HOXB3: variants seen among roughly 807,000 people sequenced by gnomAD.
HOXB3 encodes the protein homeobox B3, also known as homeobox protein Hox-B3.
HOXB3 carries 17 observed loss-of-function variants against 29.2 expected under a neutral mutation model. The observed-to-expected ratio is 0.58, with a 90% confidence interval of 0.40 to 0.87. HOXB3 has a LOEUF of 0.87. Among genes scored for constraint, HOXB3 ranks in the 40% least tolerant of loss-of-function variants. HOXB3 has a pLI of 0.00. For synonymous variants in HOXB3, 317 were observed against 285.9 expected, an observed-to-expected ratio of 1.11 and a Z score of -1.10; for missense variants, 637 against 616.3, an observed-to-expected ratio of 1.03 and a Z score of -0.35.
At chr17:48,582,044 C>G (rs1455449845) in intron 1 of HOXB3, 1 of 152,408 alleles carries the variant, frequency 6.6e-6, no homozygotes, top group African/African-American at 2.4e-5. Context: ...CTTTCCGTGG[C>G]TTCCCAGCCG....
In HOXB3 at chr17:48,554,343, C is replaced by CGAT. The variant is rs576857434; in HGVS notation, c.-159+1185_-159+1187dup. On this transcript the variant is annotated intron_variant, in intron 3 of 4. Coordinates refer to ENST00000498678, the MANE Select transcript of HOXB3 (RefSeq NM_001384749.1). The surrounding 1 kb of genome is among the most constrained non-coding windows in gnomAD (Gnocchi z 4.1). ...ATTGTTACAGCAATAATAATGATGACGATGATGATGATAGTAATAATAATA... is the reference window on the plus strand; with the variant it reads ...ATTGTTACAGCAATAATAATGATGACGATGATGATGATGATAGTAATAATAATA... 1.7e-3 allele frequency: 670 copies of CGAT among 386,504 alleles called. 8 individuals are homozygous for CGAT. Among genetic ancestry groups the CGAT allele is most frequent in the African/African-American group, 0.012 (604 of 49,116 alleles). The allele number at this position is 386,504 out of a possible 1,614,324, so 23.9% of individuals were successfully genotyped here.
At chr17:48,583,516 A>G (rs915959577) in intron 1 of HOXB3, among the ~76,000 whole-genome samples, 5 of 152,106 alleles carry the variant, frequency 3.3e-5, no homozygotes, top group Admixed American at 1.3e-4. Context: ...TTTCCTCCCA[A>G]TTCAAGTCTA....
chr17:48,571,817 G>A (rs1438348193), intron 2 of HOXB3, among the ~76,000 whole-genome samples: 2 of 152,104 alleles, frequency 1.3e-5, no homozygotes, highest in Non-Finnish European at 2.9e-5. Context: ...TGCCACCCAG[G>A]GACAAAGGAG....
chr17:48,576,509 T>TC, intron 1 of HOXB3: 1 of 399,490 alleles, frequency 2.5e-6, no homozygotes, highest in Non-Finnish European at 4.4e-6. Context: ...ATCTTGCTTC[T>TC]GGGGGGGCCT....
At chr17:48,556,287 G>C (rs1423039142) in intron 2 of HOXB3, 2 of 153,346 alleles carry the variant, frequency 1.3e-5, no homozygotes, top group Non-Finnish European at 2.9e-5. Flanking sequence ...GCTAATATGA[G>C]AAGTAGTATT....
At position 48,550,668 on chromosome 17, in the gene HOXB3, T is replaced by A. The variant is rs1414147639; in HGVS notation, c.962A>T (p.Tyr321Phe). 2.6e-6 allele frequency: 4 copies of A among 1,527,882 alleles called. No homozygotes were observed. 94.6% of individuals were successfully genotyped at this position (1,527,882 alleles called of 1,614,324 possible). A position where few individuals can be genotyped will look rare whatever the true frequency, so the allele number is the denominator to read the frequency against. The change falls in exon 5 of 5, where the codon TAC becomes TTC. Residue 321 changes from tyrosine to phenylalanine, a missense_variant. By Grantham distance (22) the Tyr-to-Phe change is conservative. Coordinates refer to ENST00000498678, the MANE Select transcript of HOXB3 (RefSeq NM_001384749.1). ...PLKGCGAPQK[Y>F]PPTPAPEYEP... is the part of the protein sequence containing the mutation. Reference sequence around the variant, plus strand: ...ATACTCGGGCGCCGGGGTCGGAGGGTACTTCTGCGGGGCGCCGCAGCCTTT... The same window carrying A: ...ATACTCGGGCGCCGGGGTCGGAGGGAACTTCTGCGGGGCGCCGCAGCCTTT...
rs2144867823 is a variant in HOXB3 at position 48,573,972 on chromosome 17, G to A, written c.-382C>T. ...TCCCCCTTGCAGATCCGGGAGAGAC[G>A]GCTAACACTTTTTTCCCCCAACAGC... On this transcript the variant is annotated 5_prime_UTR_variant, in exon 2 of 5. Coordinates refer to ENST00000498678, the MANE Select transcript of HOXB3 (RefSeq NM_001384749.1). 5.9e-6 allele frequency: 4 copies of A among 679,880 alleles called. No homozygotes were observed. The highest frequency in any genetic ancestry group is 2.7e-5 in the East Asian group (1 of 36,992). 42.1% of individuals were successfully genotyped at this position (679,880 alleles called of 1,614,324 possible). A position where few individuals can be genotyped will look rare whatever the true frequency, so the allele number is the denominator to read the frequency against.
intron 1 of HOXB3, among the ~76,000 whole-genome samples, chr17:48,588,877 G>A (rs2144924350): frequency 6.6e-6 from 1 of 152,324 alleles, no homozygotes; most frequent in South Asian, 2.1e-4. Flanking sequence ...TGAGAAAAAG[G>A]GAGTCTTATG....
chr17:48,580,233 G>T (rs965742144), intron 1 of HOXB3: 1 of 224,602 alleles, frequency 4.5e-6, no homozygotes, highest in South Asian at 5.0e-5. Context: ...AAGCACAAAA[G>T]GAGGAAGGGT....
chr17:48,551,044 T>C lies in HOXB3; in HGVS notation c.586A>G (p.Thr196Ala). The change falls in exon 5 of 5, where the codon ACG becomes GCG. Residue 196 changes from threonine to alanine, a missense_variant. By Grantham distance (58) the Thr-to-Ala change is moderately conservative. Coordinates refer to ENST00000498678, the MANE Select transcript of HOXB3 (RefSeq NM_001384749.1). The stretch of plus-strand genomic sequence containing the variant: ...TCCAGCTCCACCAGCTGCGCGCTCG[T>C]GTACGCCGTCCGCGCCCGCTTGGAC... ...AASKRARTAY[T>A]SAQLVELEKE... The C allele has an allele frequency of 6.2e-7, 1 of 1,606,920 alleles. No individual in the cohort carries two copies. Among genetic ancestry groups the C allele is most frequent in the Non-Finnish European group, 8.5e-7 (1 of 1,175,496 alleles).
At chr17:48,574,728 A>T (rs1217411599) in intron 1 of HOXB3, among the ~76,000 whole-genome samples, 1 of 152,132 alleles carries the variant, frequency 6.6e-6, no homozygotes, top group Non-Finnish European at 1.5e-5. Context: ...TCTGAGGGTC[A>T]CCTGCACCCC....
intron 1 of HOXB3, among the ~76,000 whole-genome samples, chr17:48,587,892 C>G (rs2070076790): frequency 6.6e-6 from 1 of 152,260 alleles, no homozygotes; most frequent in South Asian, 2.1e-4. Flanking sequence ...AAACTGCAGC[C>G]TTAATCTCCA....
At chr17:48,578,215 G>C (rs1025173838) in intron 1 of HOXB3, 6 of 1,613,782 alleles carry the variant, frequency 3.7e-6, no homozygotes, top group Non-Finnish European at 5.1e-6. Context: ...CGTAGTACCC[G>C]GGCGAGTGGT....
chr17:48,576,572 T>C, intron 1 of HOXB3: 1 of 607,224 alleles, frequency 1.6e-6, no homozygotes, highest in Non-Finnish European at 2.7e-6. Context: ...CTCCCCCTCT[T>C]CTGCGTTTAT....
At chr17:48,564,565 C>T (rs996004952) in intron 2 of HOXB3, among the ~76,000 whole-genome samples, 11 of 152,224 alleles carry the variant, frequency 7.2e-5, no homozygotes, top group African/African-American at 2.7e-4. Flanking sequence ...GCGGGAACCC[C>T]GGGCTCGTCT....
In HOXB3 at chr17:48,555,540, C is replaced by T; in HGVS notation, c.-168G>A. 1.4e-6 allele frequency: 1 copy of T among 702,728 alleles called. No individual in the cohort carries two copies. The highest frequency in any genetic ancestry group is 2.6e-6 in the Non-Finnish European group (1 of 384,824). 43.5% of individuals were successfully genotyped at this position (702,728 alleles called of 1,614,324 possible). On this transcript the variant is annotated 5_prime_UTR_variant, in exon 3 of 5. Transcript: ENST00000498678. Reference sequence around the variant, plus strand: ...TTTCAGTCCAGCTTACCTTAGCCACCGACGAGGGGAGAACAGGCAGACATA... The same window carrying T: ...TTTCAGTCCAGCTTACCTTAGCCACTGACGAGGGGAGAACAGGCAGACATA...
chr17:48,574,418 C>G (rs2069692850), intron 1 of HOXB3: 1 of 152,576 alleles, frequency 6.6e-6, no homozygotes, highest in African/African-American at 2.4e-5. Flanking sequence ...GCTGGGGACA[C>G]CGGCCTGTCG....
At chr17:48,588,364 C>G (rs1597861634) in intron 1 of HOXB3, among the ~76,000 whole-genome samples, 1 of 152,332 alleles carries the variant, frequency 6.6e-6, no homozygotes, top group East Asian at 1.9e-4. Context: ...CCAGATATGC[C>G]TAGTAGATGT....
intron 1 of HOXB3, chr17:48,578,853 A>C (rs1462459067): frequency 6.5e-6 from 1 of 153,060 alleles, no homozygotes; most frequent in Non-Finnish European, 1.5e-5. Flanking sequence ...GAGTTAGGTT[A>C]CTGGCGGGTT....
Sources: gnomAD v4.1 joint callset for allele counts (sites outside exome capture counted in the v4.1 genomes callset) on GRCh38, gnomAD v4.1.1 for gene constraint, Gnocchi (gnomAD v3.1) non-coding constraint, MANE v1.5 for transcripts, NCBI Gene and HGNC (gene_info 2026-07-23, HGNC 2026-07-21) for gene names.